The following CDC14B variants were observed in gnomAD, a reference collection of about 807,000 sequenced individuals.
CDC14B encodes the protein dual specificity protein phosphatase CDC14B.
CDC14B carries 22 observed loss-of-function variants against 64.2 expected under a neutral mutation model. The ratio of observed to expected loss-of-function variants is 0.34; its 90% CI spans 0.24 to 0.49. CDC14B has a LOEUF of 0.49. CDC14B is among the 20% of genes least tolerant of loss of function. CDC14B has a pLI of 0.99. For synonymous variants in CDC14B, 191 were observed against 215.8 expected, an observed-to-expected ratio of 0.89 and a Z score of 1.01; for missense variants, 498 against 629.9, an observed-to-expected ratio of 0.79 and a Z score of 2.24.
At chr9:96,555,273 G>C (rs1336687661) in intron 4 of CDC14B, among the ~76,000 whole-genome samples, 2 of 152,162 alleles carry the variant, frequency 1.3e-5, no homozygotes, top group East Asian at 3.9e-4. Context: ...CTTTCTCTTA[G>C]AACCCTCGCT....
intron 1 of CDC14B, among the ~76,000 whole-genome samples, chr9:96,615,015 A>G (rs780681720): frequency 1.5e-4 from 23 of 151,960 alleles, no homozygotes; most frequent in Non-Finnish European, 2.8e-4. Context: ...TAATTTTTGA[A>G]TTTTTAGTAG....
At chr9:96,531,368 T>C (rs1222714070) in intron 9 of CDC14B, among the ~76,000 whole-genome samples, 2 of 152,160 alleles carry the variant, frequency 1.3e-5, no homozygotes, top group African/African-American at 2.4e-5. Flanking sequence ...TTCTGGTGTT[T>C]TGTTTTTCTA....
chr9:96,596,690 G>A (rs1472780860), intron 1 of CDC14B, among the ~76,000 whole-genome samples: 1 of 151,904 alleles, frequency 6.6e-6, no homozygotes, highest in African/African-American at 2.4e-5. Context: ...GTAAAATCCT[G>A]TCTCTACAAA....
intron 1 of CDC14B, among the ~76,000 whole-genome samples, chr9:96,576,620 G>A (rs1367548779): frequency 3.2e-5 from 4 of 124,364 alleles, no homozygotes; most frequent in Non-Finnish European, 6.3e-5. Flanking sequence ...GCGACAGAGC[G>A]AGACTCCATC....
chr9:96,551,394 T>C (rs773280457), intron 5 of CDC14B, among the ~76,000 whole-genome samples: 3 of 152,114 alleles, frequency 2.0e-5, no homozygotes, highest in Non-Finnish European at 2.9e-5. Context: ...TATGCTGGGA[T>C]TACAGGCATG....
chr9:96,559,522 A>T (rs1367142393), intron 4 of CDC14B, among the ~76,000 whole-genome samples: 2 of 152,202 alleles, frequency 1.3e-5, no homozygotes, highest in Non-Finnish European at 2.9e-5. Context: ...TTTTAACCAG[A>T]TCAAAGCTTC....
chr9:96,519,149 A>C (rs1222994186), intron 12 of CDC14B, among the ~76,000 whole-genome samples: 7 of 152,166 alleles, frequency 4.6e-5, no homozygotes, highest in African/African-American at 1.7e-4. Context: ...AATAAAAATA[A>C]AAAATAAAAA....
chr9:96,554,632 CATAA>C (rs1457378868), intron 4 of CDC14B, among the ~76,000 whole-genome samples: 1 of 152,062 alleles, frequency 6.6e-6, no homozygotes, highest in African/African-American at 2.4e-5. Flanking sequence ...AATGCTGGCA[CATAA>C]ATAAATAATG....
At chr9:96,581,465 TA>T (rs1305016417) in intron 1 of CDC14B, among the ~76,000 whole-genome samples, 1 of 150,930 alleles carries the variant, frequency 6.6e-6, no homozygotes, top group Admixed American at 6.6e-5. Flanking sequence ...ACCTCGTCTC[TA>T]AAAAAATTAA....
chr9:96,514,532 G>A (rs1162588531), intron 12 of CDC14B: 1 of 985,258 alleles, frequency 1.0e-6, no homozygotes, highest in South Asian at 4.7e-5. Flanking sequence ...AGTGAAATCA[G>A]CTTGATTTTT....
At chr9:96,610,777 C>G (rs1056773796) in intron 1 of CDC14B, among the ~76,000 whole-genome samples, 10 of 151,918 alleles carry the variant, frequency 6.6e-5, no homozygotes, top group Non-Finnish European at 1.5e-4. Flanking sequence ...AAATATCTAC[C>G]ACCCAAAACC....
At chr9:96,569,878 G>A (rs956483636) in intron 1 of CDC14B, among the ~76,000 whole-genome samples, 8 of 151,994 alleles carry the variant, frequency 5.3e-5, no homozygotes, top group East Asian at 3.9e-4. Flanking sequence ...ATGAGCCACC[G>A]CGCCTGGCCG....
At chr9:96,589,403 A>T (rs1340363944) in intron 1 of CDC14B, among the ~76,000 whole-genome samples, 1 of 152,156 alleles carries the variant, frequency 6.6e-6, no homozygotes, top group Non-Finnish European at 1.5e-5. Context: ...TGAATATGCA[A>T]GAATTCTGTT....
At chr9:96,510,940 A>G (rs1248714685) in intron 12 of CDC14B, among the ~76,000 whole-genome samples, 3 of 152,170 alleles carry the variant, frequency 2.0e-5, no homozygotes, top group Non-Finnish European at 2.9e-5. Context: ...GAGATAATCA[A>G]TGACAAACTA....
chr9:96,595,242 T>G (rs1375979031), intron 1 of CDC14B, among the ~76,000 whole-genome samples: 1 of 152,212 alleles, frequency 6.6e-6, no homozygotes, highest in African/African-American at 2.4e-5. Flanking sequence ...TCAGACTGTT[T>G]AAGTAACTTA....
chr9:96,605,483 G>A (rs540266480), intron 1 of CDC14B, among the ~76,000 whole-genome samples: 2 of 152,242 alleles, frequency 1.3e-5, no homozygotes, highest in South Asian at 2.1e-4. Context: ...GTTCCCCTGC[G>A]GCCTCTAACT....
chr9:96,594,165 C>CA (rs11376964), intron 1 of CDC14B, among the ~76,000 whole-genome samples: 7,020 of 152,162 alleles, frequency 0.046, 555 homozygotes, highest in African/African-American at 0.16. Context: ...ACACAGGAAA[C>CA]AAAAAGGTGA....
chr9:96,514,775 C>T (rs1835396109), intron 12 of CDC14B: 10 of 985,480 alleles, frequency 1.0e-5, no homozygotes, highest in Non-Finnish European at 1.2e-5. Flanking sequence ...CCCCGTGACA[C>T]GGACACACCC....
At chr9:96,604,617 T>A (rs1271414536) in intron 1 of CDC14B, among the ~76,000 whole-genome samples, 2 of 151,370 alleles carry the variant, frequency 1.3e-5, no homozygotes, top group Admixed American at 1.3e-4. Context: ...CGACCTCACG[T>A]AATCCACCTG....
Sources: gnomAD v4.1 joint callset for allele counts (sites outside exome capture counted in the v4.1 genomes callset) on GRCh38, gnomAD v4.1.1 for gene constraint, MANE v1.5 for transcripts, NCBI Gene and HGNC (gene_info 2026-07-23, HGNC 2026-07-21) for gene names.